Variants in FGF12 observed in about 807,000 individuals in gnomAD.
FGF12 encodes fibroblast growth factor 12B.
Under a neutral mutation model 23.6 loss-of-function variants are expected in FGF12, and 14 were observed. The observed-to-expected ratio is 0.59, with a 90% CI of 0.39 to 0.93. FGF12 has a LOEUF of 0.93. FGF12 is among the 40% of genes least tolerant of loss of function. The pLI is 0.00. For synonymous variants in FGF12, 62 were observed against 77.3 expected (o/e 0.80, Z 1.04); for missense variants, 175 against 217.8 (o/e 0.80, Z 1.24).
intron 2 of FGF12, among the ~76,000 whole-genome samples, chr3:192,718,131 G>A (rs13081379): frequency 0.14 from 21,102 of 146,050 alleles, 1,986 homozygotes; most frequent in East Asian, 0.38. Context: ...CTCAGCCCTT[G>A]GACTGTTTGT....
chr3:192,577,313 A>C (rs6774240), intron 2 of FGF12, among the ~76,000 whole-genome samples: 1,609 of 152,310 alleles, frequency 0.011, 32 homozygotes, highest in African/African-American at 0.037. Context: ...CTACTTTTGA[A>C]CTGTGAGCAT....
chr3:192,599,086 G>C (rs1028736509), intron 2 of FGF12, among the ~76,000 whole-genome samples: 1 of 151,986 alleles, frequency 6.6e-6, no homozygotes, highest in African/African-American at 2.4e-5. Context: ...ACAGGGAGGG[G>C]AATATCACAC....
Position 192,408,898 on chromosome 3 carries a change from G to A in FGF12, c.14-48360C>T. The A allele has an allele frequency of 1.0e-6, 1 of 985,354 alleles. No homozygotes were observed. The highest frequency in any genetic ancestry group is 1.2e-6 in the Non-Finnish European group (1 of 829,956). The allele number at this position is 985,354 out of a possible 1,614,324, so 61.0% of individuals were successfully genotyped here. A position where few individuals can be genotyped will look rare whatever the true frequency, so the allele number is the denominator to read the frequency against. ...CAGGGTGAGGTCTACAGAATGCATC[G>A]CGCCGGCTGCGGCTTTCCAGGGGCC... On this transcript the variant is annotated intron_variant, in intron 2 of 5. Transcript: ENST00000445105. This position sits in a 1 kb window ranked among gnomAD's most constrained non-coding sequence, Gnocchi z 7.3.
At chr3:192,634,718 T>C (rs1368983230) in intron 2 of FGF12, among the ~76,000 whole-genome samples, 6 of 152,198 alleles carry the variant, frequency 3.9e-5, no homozygotes, top group Non-Finnish European at 7.4e-5. Context: ...TTACTTTATA[T>C]ATTTAAATGA....
At chr3:192,678,104 G>T (rs1168505578) in intron 2 of FGF12, among the ~76,000 whole-genome samples, 1 of 152,170 alleles carries the variant, frequency 6.6e-6, no homozygotes, top group African/African-American at 2.4e-5. Flanking sequence ...ATGACAAAAT[G>T]ACTAACCTCT....
chr3:192,672,224 C>A (rs968807284), intron 2 of FGF12, among the ~76,000 whole-genome samples: 2 of 151,070 alleles, frequency 1.3e-5, no homozygotes, highest in Non-Finnish European at 3.0e-5. Flanking sequence ...TAAAGTAAGG[C>A]AACTCCTCTG....
chr3:192,727,121 G>T, intron 2 of FGF12, 60 bp downstream of exon 2: 1 of 1,556,180 alleles, frequency 6.4e-7, no homozygotes, highest in Non-Finnish European at 8.7e-7. Flanking sequence ...CCCTCGCCGA[G>T]GATTGCCTTG....
chr3:192,352,533 A>C (rs1577380087), intron 3 of FGF12, among the ~76,000 whole-genome samples: 1 of 152,226 alleles, frequency 6.6e-6, no homozygotes, highest in Non-Finnish European at 1.5e-5. Flanking sequence ...CAGTGTAAAC[A>C]CCTTCAAATT....
intron 4 of FGF12, chr3:192,238,473 G>A (rs1010597291): frequency 1.3e-5 from 2 of 152,254 alleles, no homozygotes; most frequent in African/African-American, 2.4e-5. Flanking sequence ...GGGAGACAAT[G>A]GGTGGATGCA....
chr3:192,389,467 C>T (rs746345184), intron 2 of FGF12, among the ~76,000 whole-genome samples: 5 of 152,340 alleles, frequency 3.3e-5, no homozygotes, highest in Admixed American at 6.5e-5. Flanking sequence ...TGCATTTTAA[C>T]GCTATCCTTT....
intron 2 of FGF12, among the ~76,000 whole-genome samples, chr3:192,554,271 T>A (rs960705583): frequency 3.9e-5 from 6 of 152,124 alleles, no homozygotes; most frequent in Non-Finnish European, 5.9e-5. Flanking sequence ...CCTCTAGTGG[T>A]CTGGCTTTTC....
chr3:192,502,862 G>C (rs1013257), intron 2 of FGF12, among the ~76,000 whole-genome samples: 115,806 of 152,238 alleles, frequency 0.76, 44,688 homozygotes, highest in East Asian at 0.84. Context: ...GGCTCTTCTA[G>C]GGAAGCACAT....
intron 2 of FGF12, among the ~76,000 whole-genome samples, chr3:192,599,313 C>T (rs1166718704): frequency 6.8e-6 from 1 of 146,204 alleles, no homozygotes; most frequent in African/African-American, 2.7e-5. Flanking sequence ...ATCCTACAGT[C>T]CTGAATTTAG....
chr3:192,622,327 G>A (rs1311653730), intron 2 of FGF12, among the ~76,000 whole-genome samples: 1 of 152,184 alleles, frequency 6.6e-6, no homozygotes, highest in African/African-American at 2.4e-5. Context: ...GAACCGATGA[G>A]ACAGTAGGTA....
intron 3 of FGF12, among the ~76,000 whole-genome samples, chr3:192,338,328 C>A (rs897952881): frequency 6.6e-6 from 1 of 152,104 alleles, no homozygotes. Context: ...TGTGATCCAC[C>A]TGTCTCGGCC....
In FGF12 at chr3:192,294,801, T is replaced by C. The variant is rs112383655; in HGVS notation, c.228+40560A>G. On this transcript the variant is annotated intron_variant, in intron 4 of 5. Transcript: ENST00000445105. ...TAGGGGTAAATAAACTTTAATTAGA[T>C]TAGGTAACTACTTTTAGAAAAATAT... Among the ~76,000 whole-genome samples the C allele has an allele frequency of 1.4e-3, 209 of 152,314 alleles. 1 individual carries two copies. Among genetic ancestry groups the C allele is most frequent in the African/African-American group, 4.8e-3 (199 of 41,568 alleles).
intron 2 of FGF12, among the ~76,000 whole-genome samples, chr3:192,363,863 G>C (rs779628406): frequency 6.6e-6 from 1 of 152,204 alleles, no homozygotes; most frequent in Non-Finnish European, 1.5e-5. Context: ...TTATTTATCA[G>C]ACTATGCTTG....
intron 4 of FGF12, among the ~76,000 whole-genome samples, chr3:192,234,120 G>T (rs1577261840): frequency 6.6e-6 from 1 of 152,044 alleles, no homozygotes; most frequent in Non-Finnish European, 1.5e-5. Flanking sequence ...GATAAGAATG[G>T]TATTGAATCT....
intron 4 of FGF12, among the ~76,000 whole-genome samples, chr3:192,224,661 T>A (rs1009299145): frequency 6.6e-6 from 1 of 152,098 alleles, no homozygotes; most frequent in East Asian, 1.9e-4. Flanking sequence ...CAAGGCTCAA[T>A]GTTTTCATTT....
Sources: allele counts gnomAD v4.1 joint callset (sites outside exome capture counted in the v4.1 genomes callset), GRCh38; gene constraint gnomAD v4.1.1; non-coding constraint Gnocchi (gnomAD v3.1); transcripts MANE v1.5; gene names NCBI Gene and HGNC (gene_info 2026-07-23, HGNC 2026-07-21).